SOX5: variants seen among roughly 807,000 people sequenced by gnomAD.
SOX5 encodes the protein transcription factor SOX-5.
In SOX5, 9 loss-of-function variants were observed where a neutral mutation model predicts 92.0. That is an observed-to-expected ratio of 0.10 (90% CI 0.06 to 0.17). The LOEUF (loss-of-function observed/expected upper bound fraction) is 0.17. Ranked by LOEUF, SOX5 falls within the 10% of genes least tolerant of loss-of-function variation. The pLI is 1.00. For synonymous variants in SOX5, 344 were observed against 336.3 expected, an observed-to-expected ratio of 1.02 and a Z score of -0.25; for missense variants, 642 against 944.5, an observed-to-expected ratio of 0.68 and a Z score of 4.20.
At chr12:23,556,606 C>T (rs1342989069) in intron 11 of SOX5, among the ~76,000 whole-genome samples, 1 of 152,190 alleles carries the variant, frequency 6.6e-6, no homozygotes, top group East Asian at 1.9e-4. Context: ...ACCTAACATG[C>T]CTACTTCCTT....
chr12:24,094,252 G>A (rs569662202), intron 4 of SOX5, among the ~76,000 whole-genome samples: 16 of 152,256 alleles, frequency 1.1e-4, no homozygotes, highest in African/African-American at 3.6e-4. Flanking sequence ...CAGCGAAATT[G>A]TATATCATTT....
intron 3 of SOX5, among the ~76,000 whole-genome samples, chr12:23,814,733 C>T (rs1270915919): frequency 6.6e-6 from 1 of 152,132 alleles, no homozygotes; most frequent in Non-Finnish European, 1.5e-5. Flanking sequence ...TCACAAAGCA[C>T]GTTAGAGACT....
intron 3 of SOX5, among the ~76,000 whole-genome samples, chr12:23,802,716 C>T (rs2095685405): frequency 6.6e-6 from 1 of 152,086 alleles, no homozygotes; most frequent in South Asian, 2.1e-4. Context: ...CAATACATTT[C>T]AATACAATCC....
chr12:24,104,069 A>G (rs1264067364), intron 4 of SOX5, among the ~76,000 whole-genome samples: 2 of 152,224 alleles, frequency 1.3e-5, no homozygotes, highest in Non-Finnish European at 2.9e-5. Flanking sequence ...ATTTATTTTA[A>G]AAATTTAATG....
rs144514015 is a variant in SOX5 at position 24,530,567 on chromosome 12, C to T, written c.-251+31762G>A. Among the ~76,000 whole-genome samples the T allele has an allele frequency of 5.6e-3, 850 of 151,938 alleles. 7 individuals are homozygous for T. The highest frequency in any genetic ancestry group is 0.02 in the African/African-American group (808 of 41,430). ...ACTCAGGAGGCTGAGGCAGGAGAATCGCTTGAACCCAGGAGGTGGAGGTTG... is the reference window on the plus strand; with the variant it reads ...ACTCAGGAGGCTGAGGCAGGAGAATTGCTTGAACCCAGGAGGTGGAGGTTG... On this transcript the variant is annotated intron_variant, in intron 1 of 4. Coordinates refer to the SOX5 transcript ENST00000446891.
intron 4 of SOX5, among the ~76,000 whole-genome samples, chr12:24,091,521 C>A (rs543767393): frequency 6.7e-6 from 1 of 150,152 alleles, no homozygotes; most frequent in South Asian, 2.1e-4. Flanking sequence ...CCTCTACCTC[C>A]CAGGTTCAAG....
intron 3 of SOX5, among the ~76,000 whole-genome samples, chr12:24,251,716 C>T (rs773987800): frequency 2.6e-5 from 4 of 151,766 alleles, no homozygotes; most frequent in African/African-American, 4.8e-5. Context: ...GGATTACAGG[C>T]GCCTGCCACC....
At chr12:24,314,563 A>T (rs1595490722) in intron 2 of SOX5, among the ~76,000 whole-genome samples, 1 of 82,496 alleles carries the variant, frequency 1.2e-5, no homozygotes, top group South Asian at 3.9e-4. Flanking sequence ...GCTTATACAT[A>T]AAAAAAAATT....
intron 8 of SOX5, among the ~76,000 whole-genome samples, chr12:23,628,591 C>T (rs1162390243): frequency 6.6e-6 from 1 of 152,040 alleles, no homozygotes; most frequent in African/African-American, 2.4e-5. Context: ...GTCTGTTCCT[C>T]CGTTTCTCCT....
In SOX5 at chr12:23,895,956, C is replaced by G. The variant is rs770183501; in HGVS notation, c.107G>C (p.Arg36Thr). The change falls in exon 2 of 15, where the codon AGA becomes ACA. Residue 36 changes from arginine to threonine, a missense_variant. Physicochemically the swap from Arg to Thr is moderately conservative, Grantham distance 71. Transcript: ENST00000451604. ...ADGEVAMVTS[R>T]QKVEEEESDG... is the part of the protein sequence containing the mutation. ...ACTCTCCTCTTCTTCCACTTTCTGT[C>G]TGCTTGTCACCATGGCTACCTCTCC... 2.5e-6 allele frequency: 4 copies of G among 1,614,144 alleles called. No homozygotes were observed. Among genetic ancestry groups the G allele is most frequent in the Non-Finnish European group, 3.4e-6 (4 of 1,179,998 alleles).
chr12:24,328,119 T>C (rs1437280998), intron 2 of SOX5, among the ~76,000 whole-genome samples: 1 of 152,224 alleles, frequency 6.6e-6, no homozygotes, highest in Non-Finnish European at 1.5e-5. Context: ...GTCAGATTCA[T>C]TGCCCACATG....
At chr12:24,151,573 T>TTTTTG (rs1162501868) in intron 4 of SOX5, among the ~76,000 whole-genome samples, 1 of 152,168 alleles carries the variant, frequency 6.6e-6, no homozygotes, top group Non-Finnish European at 1.5e-5. Flanking sequence ...GTGAGGTTTT[T>TTTTTG]TTTTGTTTTG....
upstream of SOX5, chr12:24,562,521 C>T: frequency 6.5e-6 from 1 of 153,630 alleles, no homozygotes; most frequent in Non-Finnish European, 1.4e-5. Flanking sequence ...CCTCTCTCTC[C>T]CCCCGTCTCT....
chr12:24,042,315 A>C (rs1956600850), intron 4 of SOX5, among the ~76,000 whole-genome samples: 1 of 152,134 alleles, frequency 6.6e-6, no homozygotes, highest in African/African-American at 2.4e-5. Flanking sequence ...TTATATAAAC[A>C]AAGCAGTAAT....
At chr12:23,652,987 T>A (rs1357392641) in intron 7 of SOX5, among the ~76,000 whole-genome samples, 1 of 139,662 alleles carries the variant, frequency 7.2e-6, no homozygotes, top group Non-Finnish European at 1.6e-5. Flanking sequence ...GATATATGGA[T>A]GGATGAATGA....
intron 3 of SOX5, among the ~76,000 whole-genome samples, chr12:23,786,543 CA>C (rs34782173): frequency 0.89 from 112,493 of 126,978 alleles, 49,987 homozygotes; most frequent in Middle Eastern, 0.98. Flanking sequence ...GACTCCATCT[CA>C]AAAAAAAAAA....
intron 6 of SOX5, among the ~76,000 whole-genome samples, chr12:23,685,631 C>A (rs890292973): frequency 7.1e-6 from 1 of 141,666 alleles, no homozygotes; most frequent in African/African-American, 2.6e-5. Context: ...CTTTTTGTCC[C>A]CCCCCCCAAA....
chr12:24,453,514 T>C (rs1043906059), intron 1 of SOX5, among the ~76,000 whole-genome samples: 3 of 152,228 alleles, frequency 2.0e-5, no homozygotes, highest in African/African-American at 7.2e-5. Context: ...AAATTGTACT[T>C]AGTAATATCT....
At chr12:23,536,370 T>G (rs1463201345) in intron 14 of SOX5, 83 bp downstream of exon 14, 4 of 1,088,112 alleles carry the variant, frequency 3.7e-6, no homozygotes, top group Admixed American at 1.9e-5. Context: ...AATGTCTTTT[T>G]GCAACTGAAC....
Sources: gnomAD v4.1 joint callset for allele counts (sites outside exome capture counted in the v4.1 genomes callset) on GRCh38, gnomAD v4.1.1 for gene constraint, MANE v1.5 for transcripts, NCBI Gene and HGNC (gene_info 2026-07-23, HGNC 2026-07-21) for gene names.